Variants in ZFHX4 observed in about 807,000 individuals in gnomAD.
ZFHX4 encodes the protein zinc finger homeobox 4.
In ZFHX4, 56 loss-of-function variants were observed where a neutral mutation model predicts 267.6. The ratio of observed to expected loss-of-function variants is 0.21; its 90% CI spans 0.17 to 0.26. The LOEUF is 0.26. Ranked by LOEUF, ZFHX4 falls within the 10% of genes least tolerant of loss-of-function variation. The pLI is 1.00. For missense variants in ZFHX4, 4,332 were observed against 4,420.0 expected, an observed-to-expected ratio of 0.98 and a Z score of 0.56; for synonymous variants, 1,778 against 1,665.6, an observed-to-expected ratio of 1.07 and a Z score of -1.64.
chr8:76,709,800 TGC>T lies in ZFHX4; in HGVS notation c.3093+1754_3093+1755del, dbSNP rs1396916758. 1.5e-5 allele frequency among the ~76,000 whole-genome samples: 2 copies of T among 137,576 alleles called. 1 individual carries two copies. The highest frequency in any genetic ancestry group is 4.5e-4 in the South Asian group (2 of 4,460). The allele number at this position is 137,576 out of a possible 152,430, so 90.3% of individuals were successfully genotyped here. A position where few individuals can be genotyped will look rare whatever the true frequency, so the allele number is the denominator to read the frequency against. On this transcript the variant is annotated intron_variant, in intron 3 of 10. Coordinates refer to ENST00000651372, the MANE Select transcript of ZFHX4 (RefSeq NM_024721.5). ...ATGTGTGCGTGTGTGTGCGTGTGTGTGCGTGTGTGTGTGTGTGTGTGTGTGTG... is the reference window on the plus strand; with the variant it reads ...ATGTGTGCGTGTGTGTGCGTGTGTGTGTGTGTGTGTGTGTGTGTGTGTGTG...
At chr8:76,782,937 T>C (rs1474196979) in intron 4 of ZFHX4, among the ~76,000 whole-genome samples, 2 of 152,052 alleles carry the variant, frequency 1.3e-5, no homozygotes, top group African/African-American at 4.8e-5. Context: ...GTGCAAGTTA[T>C]TCTTCTCTGC....
intron 3 of ZFHX4, among the ~76,000 whole-genome samples, chr8:76,740,206 C>T (rs2131680947): frequency 6.6e-6 from 1 of 151,770 alleles, no homozygotes; most frequent in South Asian, 2.1e-4. Context: ...GGGAGAGATT[C>T]TGCTTGTTTT....
At chr8:76,763,728 T>C (rs1183955315) in intron 3 of ZFHX4, among the ~76,000 whole-genome samples, 2 of 152,284 alleles carry the variant, frequency 1.3e-5, no homozygotes, top group Non-Finnish European at 2.9e-5. Flanking sequence ...CAGTTGATTG[T>C]TGAGGAAAAA....
At chr8:76,685,174 A>G (rs2131574657) in intron 1 of ZFHX4, among the ~76,000 whole-genome samples, 1 of 152,312 alleles carries the variant, frequency 6.6e-6, no homozygotes, top group South Asian at 2.1e-4. Context: ...AACTCTTGAG[A>G]TTCAGACATG....
intron 4 of ZFHX4, among the ~76,000 whole-genome samples, chr8:76,830,277 A>G (rs1330015448): frequency 6.6e-6 from 1 of 152,208 alleles, no homozygotes; most frequent in Non-Finnish European, 1.5e-5. Flanking sequence ...CAAATGTGTG[A>G]TTATCACCAA....
At chr8:76,766,235 G>A (rs192064553) in intron 3 of ZFHX4, among the ~76,000 whole-genome samples, 20 of 150,718 alleles carry the variant, frequency 1.3e-4, no homozygotes, top group African/African-American at 4.9e-4. Flanking sequence ...TAGGTAATTG[G>A]GCTTTCTGTT....
At chr8:76,696,123 G>A (rs1037624879) in intron 1 of ZFHX4, among the ~76,000 whole-genome samples, 11 of 152,088 alleles carry the variant, frequency 7.2e-5, no homozygotes, top group African/African-American at 2.7e-4. Context: ...CTGATATTTT[G>A]CTACTTAAAG....
At position 76,853,398 on chromosome 8, in the gene ZFHX4, C is replaced by A. The variant is rs370090115; in HGVS notation, c.6477C>A (p.Ile2159=). 1 of 1,613,800 alleles carries A rather than the reference C, an allele frequency of 6.2e-7. No homozygotes were observed. The highest frequency in any genetic ancestry group is 1.7e-5 in the Admixed American group (1 of 60,012). The change falls in exon 10 of 11, where the codon ATC becomes ATA. Residue 2159 remains isoleucine (I), a synonymous_variant. Coordinates refer to ENST00000651372, the MANE Select transcript of ZFHX4 (RefSeq NM_024721.5). ...ATAATTCTCCAAGTGAAGAACAGAT[C>A]CAGGAAATGGCAGAGAAATCTGGCC... The part of the protein sequence containing the change: ...DINNSPSEEQ[I]QEMAEKSGLS...
intron 1 of ZFHX4, among the ~76,000 whole-genome samples, chr8:76,699,262 T>C (rs1808038633): frequency 6.6e-6 from 1 of 152,208 alleles, no homozygotes; most frequent in African/African-American, 2.4e-5. Flanking sequence ...AGTTATTTGA[T>C]TTAGTGTCTA....
Position 76,705,045 on chromosome 8 carries a change from C to T in ZFHX4, c.957C>T (p.Ser319=), listed in dbSNP as rs370419358. 47 of 1,613,980 alleles carry T rather than the reference C, an allele frequency of 2.9e-5. 1 individual carries two copies. The highest frequency in any genetic ancestry group is 2.0e-4 in the African/African-American group (15 of 75,040). ...AGCTCCTCAGTAATAAATGCGTCTCCGCCATAATACAGGGGATTGGCAAAG... is the reference window on the plus strand; with the variant it reads ...AGCTCCTCAGTAATAAATGCGTCTCTGCCATAATACAGGGGATTGGCAAAG... The part of the protein sequence containing the change: ...EQKLLSNKCV[S]AIIQGIGKDK... The change falls in exon 2 of 11, where the codon TCC becomes TCT. Residue 319 remains serine (S), a synonymous_variant. Coordinates refer to ENST00000651372, the MANE Select transcript of ZFHX4 (RefSeq NM_024721.5).
intron 3 of ZFHX4, among the ~76,000 whole-genome samples, chr8:76,762,811 G>A (rs774246423): frequency 2.4e-4 from 37 of 152,104 alleles, no homozygotes; most frequent in Non-Finnish European, 4.1e-4. Context: ...CTCTCAATAG[G>A]TAACAGTTTT....
Position 76,863,664 on chromosome 8 carries a change from A to T in ZFHX4, c.9950A>T (p.Gln3317Leu). ...LAGLSPGALL[Q>L]QYQQYQQNLQ... ...GGTCTGTCCCCAGGTGCACTGTTGC[A>T]GCAGTACCAACAGTATCAGCAGAAC... is the stretch of plus-strand genomic sequence containing the variant. The change falls in exon 11 of 11, where the codon CAG (glutamine) becomes CTG (leucine). Residue 3317 changes from glutamine (Q) to leucine (L), a missense_variant. Around this residue, in one of 7 missense-constraint regions of ZFHX4, gnomAD observed 1,648 missense variants for 1,625.0 expected, o/e 1.01. Coordinates refer to ENST00000651372, the MANE Select transcript of ZFHX4 (RefSeq NM_024721.5). 6.2e-7 allele frequency: 1 copy of T among 1,607,978 alleles called. No individual in the cohort carries two copies. The highest frequency in any genetic ancestry group is 8.5e-7 in the Non-Finnish European group (1 of 1,176,764).
Position 76,705,335 on chromosome 8 carries a change from T to C in ZFHX4, c.1247T>C (p.Val416Ala), listed in dbSNP as rs1454683594. 2.5e-6 allele frequency: 4 copies of C among 1,613,840 alleles called. No individual in the cohort carries two copies. The African/African-American group carries it at 5.3e-5, about 22-fold the overall frequency. Reference protein sequence around the residue: ...VNLGGLSSLVVNTPITSVSLS... With the variant: ...VNLGGLSSLVANTPITSVSLS... ...CTGGGGGGGCTGTCTAGTTTAGTAG[T>C]GAACACCCCAATTACCTCTGTCTCC... is the stretch of plus-strand genomic sequence containing the variant. Residue 416 changes from valine (V) to alanine (A), a missense_variant, in exon 2 of 11, where the codon GTG becomes GCG. Physicochemically the swap from Val to Ala is moderately conservative, Grantham distance 64. Transcript: ENST00000651372.
chr8:76,758,127 C>T (rs544882363), intron 3 of ZFHX4, among the ~76,000 whole-genome samples: 2 of 152,098 alleles, frequency 1.3e-5, no homozygotes, highest in East Asian at 1.9e-4. Context: ...ATTCATGGGG[C>T]TCTGATAGAA....
At chr8:76,787,557 CT>C (rs1460375231) in intron 4 of ZFHX4, among the ~76,000 whole-genome samples, 1 of 151,196 alleles carries the variant, frequency 6.6e-6, no homozygotes, top group Non-Finnish European at 1.5e-5. Flanking sequence ...AATCCCAGCC[CT>C]TTGGAAGGCC....
chr8:76,799,935 G>A (rs1327616114), intron 4 of ZFHX4, among the ~76,000 whole-genome samples: 2 of 152,160 alleles, frequency 1.3e-5, no homozygotes, highest in Non-Finnish European at 2.9e-5. Flanking sequence ...TTGGTGTGTT[G>A]CTTTTGAAAA....
chr8:76,797,886 ATGTGTGTGTG>A (rs10694486), intron 4 of ZFHX4, among the ~76,000 whole-genome samples: 9 of 140,182 alleles, frequency 6.4e-5, no homozygotes, highest in East Asian at 4.1e-4. Flanking sequence ...GTGTGTCTGT[ATGTGTGTGTG>A]TGTGTGTGTG....
At chr8:76,772,153 G>C (rs557389684) in intron 3 of ZFHX4, among the ~76,000 whole-genome samples, 1 of 152,222 alleles carries the variant, frequency 6.6e-6, no homozygotes, top group Non-Finnish European at 1.5e-5. Flanking sequence ...GTTATGGAAG[G>C]CATTTAGAAC....
intron 3 of ZFHX4, among the ~76,000 whole-genome samples, chr8:76,761,650 G>A (rs1374124988): frequency 6.6e-6 from 1 of 152,076 alleles, no homozygotes; most frequent in East Asian, 1.9e-4. Flanking sequence ...AAAACCATTT[G>A]TTAAACAATA....
Sources: gnomAD v4.1 joint callset for allele counts (sites outside exome capture counted in the v4.1 genomes callset) on GRCh38, gnomAD v4.1.1 for gene constraint, gnomAD v4.1.1 regional missense constraint, MANE v1.5 for transcripts, NCBI Gene and HGNC (gene_info 2026-07-23, HGNC 2026-07-21) for gene names.